Variants in RAB3GAP2 observed in about 807,000 individuals in gnomAD.
RAB3GAP2 encodes the protein RAB3 GTPase activating non-catalytic protein subunit 2, also known as rab3 GTPase-activating protein non-catalytic subunit.
A neutral mutation model predicts 185.3 loss-of-function variants in RAB3GAP2; 87 were observed. The ratio of observed to expected loss-of-function variants is 0.47; its 90% CI spans 0.39 to 0.56. The LOEUF (loss-of-function observed/expected upper bound fraction) is 0.56. Among genes scored for constraint, RAB3GAP2 ranks in the 20% least tolerant of loss-of-function variants. The pLI is 0.00. For missense variants in RAB3GAP2, 1,492 were observed against 1,638.2 expected (o/e 0.91, Z 1.54); for synonymous variants, 554 against 576.1 (o/e 0.96, Z 0.55).
intron 13 of RAB3GAP2, among the ~76,000 whole-genome samples, chr1:220,193,038 C>T (rs1051867250): frequency 2.6e-5 from 4 of 152,124 alleles, no homozygotes; most frequent in Admixed American, 2.6e-4. Context: ...TTAAACATGG[C>T]TATGAGGTGA....
chr1:220,163,773 A>ATG (rs57117891), intron 27 of RAB3GAP2, among the ~76,000 whole-genome samples: 2 of 145,012 alleles, frequency 1.4e-5, no homozygotes, highest in African/African-American at 5.0e-5. Context: ...ATATATATAT[A>ATG]GGATGAAGGT....
chr1:220,159,266 A>T (rs1319605126), intron 29 of RAB3GAP2, 120 bp downstream of exon 29: 1 of 825,320 alleles, frequency 1.2e-6, no homozygotes, highest in Admixed American at 2.2e-5. Context: ...CATTTTTCTT[A>T]TCTCCTTCTG....
chr1:220,253,764 C>T, intron 1 of RAB3GAP2: 1 of 1,611,682 alleles, frequency 6.2e-7, no homozygotes, highest in Admixed American at 1.7e-5. Context: ...TACTCAAATA[C>T]GTGGACACCA....
chr1:220,272,115 G>T, intron 1 of RAB3GAP2, 108 bp downstream of exon 1: 1 of 934,158 alleles, frequency 1.1e-6, no homozygotes, highest in African/African-American at 1.6e-5. Flanking sequence ...GAGAACTGGG[G>T]GTCCAGAGGG....
rs771063121 is a variant in RAB3GAP2, at chr1:220,213,841, T to C, written c.304+15A>G. ...GTATCAAAATAAAGGTCGCTGAAAATAATAGGATACTCACGCACTAGAAAT... is the reference window on the plus strand; with the variant it reads ...GTATCAAAATAAAGGTCGCTGAAAACAATAGGATACTCACGCACTAGAAAT... On this transcript the variant is annotated intron_variant, in intron 3 of 34. Transcript: ENST00000358951. 1.8e-5 allele frequency: 29 copies of C among 1,610,166 alleles called. No individual in the cohort carries two copies. The highest frequency in any genetic ancestry group is 2.7e-5 in the African/African-American group (2 of 74,780).
chr1:220,169,454 C>T (rs1658134079), intron 24 of RAB3GAP2, among the ~76,000 whole-genome samples: 1 of 152,152 alleles, frequency 6.6e-6, no homozygotes, highest in South Asian at 2.1e-4. Flanking sequence ...GTTAGTGAAT[C>T]ATGAAAGGTT....
intron 10 of RAB3GAP2, chr1:220,196,038 CAA>C (rs1204162816): frequency 3.4e-6 from 2 of 582,758 alleles, no homozygotes; most frequent in Non-Finnish European, 5.9e-6. Flanking sequence ...GCTTCAGAAA[CAA>C]AGAATTTCCT....
chr1:220,211,872 T>C (rs1055242093), intron 4 of RAB3GAP2, among the ~76,000 whole-genome samples: 1 of 152,212 alleles, frequency 6.6e-6, no homozygotes, highest in Admixed American at 6.5e-5. Flanking sequence ...TTAGACTAAA[T>C]GGCGTAAGGA....
At chr1:220,246,424 A>C (rs1195415894) in intron 1 of RAB3GAP2, among the ~76,000 whole-genome samples, 1 of 141,194 alleles carries the variant, frequency 7.1e-6, no homozygotes, top group Non-Finnish European at 1.5e-5. Context: ...TACTGGGTAT[A>C]TACCCAAAGG....
chr1:220,182,375 C>T (rs369788729), intron 20 of RAB3GAP2, 21 bp from the exon 21 acceptor site: 9 of 1,613,492 alleles, frequency 5.6e-6, no homozygotes, highest in Non-Finnish European at 6.8e-6. Context: ...AAAAACAAAG[C>T]ACATTAATCA....
intron 21 of RAB3GAP2, among the ~76,000 whole-genome samples, chr1:220,177,469 A>G (rs978811913): frequency 6.6e-6 from 1 of 152,216 alleles, no homozygotes; most frequent in South Asian, 2.1e-4. Context: ...TGGACAAAGA[A>G]AGGCACCAGA....
chr1:220,187,810 C>T (rs188954498), intron 17 of RAB3GAP2, among the ~76,000 whole-genome samples: 2 of 152,016 alleles, frequency 1.3e-5, no homozygotes, highest in East Asian at 1.9e-4. Flanking sequence ...AATGGGTAAA[C>T]GTTCAAGTAA....
At chr1:220,170,819 C>A in intron 24 of RAB3GAP2, 73 bp downstream of exon 24, 1 of 1,250,290 alleles carries the variant, frequency 8.0e-7, no homozygotes, top group Non-Finnish European at 1.2e-6. Flanking sequence ...CTATTCTTTC[C>A]GTCATTTCTA....
At chr1:220,237,680 A>G (rs1396374569) in intron 1 of RAB3GAP2, among the ~76,000 whole-genome samples, 1 of 152,212 alleles carries the variant, frequency 6.6e-6, no homozygotes, top group Non-Finnish European at 1.5e-5. Context: ...TGGTGCATGC[A>G]TGGATCACCT....
chr1:220,155,660 A>C (rs1657843745), intron 31 of RAB3GAP2, among the ~76,000 whole-genome samples: 2 of 152,206 alleles, frequency 1.3e-5, no homozygotes, highest in Non-Finnish European at 2.9e-5. Context: ...AAATCTAAAT[A>C]ATTCTAGTTA....
intron 3 of RAB3GAP2, 57 bp downstream of exon 3, chr1:220,213,799 T>C: frequency 1.3e-6 from 2 of 1,558,948 alleles, no homozygotes; most frequent in African/African-American, 2.7e-5. Context: ...CCTAATCCAT[T>C]TTCTCTTCTA....
intron 1 of RAB3GAP2, among the ~76,000 whole-genome samples, chr1:220,239,268 T>C (rs560363046): frequency 1.3e-5 from 2 of 152,300 alleles, no homozygotes; most frequent in Non-Finnish European, 2.9e-5. Context: ...TCTAGCTCTA[T>C]TGCCCAGGGT....
chr1:220,186,504 A>G (rs1301248572), intron 17 of RAB3GAP2, among the ~76,000 whole-genome samples: 4 of 152,316 alleles, frequency 2.6e-5, no homozygotes, highest in Middle Eastern at 3.4e-3. Flanking sequence ...CCTATAATGA[A>G]GTAACTACCA....
rs367809930 is a variant in RAB3GAP2, at chr1:220,260,877, C to T, written c.115+11346G>A. Among the ~76,000 whole-genome samples, 130 of 152,252 alleles carry T rather than the reference C, an allele frequency of 8.5e-4. 4 individuals are homozygous for T. In the East Asian group the frequency reaches 0.022, roughly 26 times the overall value. On this transcript the variant is annotated intron_variant, in intron 1 of 34. Coordinates refer to ENST00000358951, the MANE Select transcript of RAB3GAP2 (RefSeq NM_012414.4). Reference sequence around the variant, plus strand: ...CCACTAGCAACATATGGCTTGAACACTTCAAATGTAGCCACTGTGACTGAG... The same window carrying T: ...CCACTAGCAACATATGGCTTGAACATTTCAAATGTAGCCACTGTGACTGAG...
Sources: allele counts gnomAD v4.1 joint callset (sites outside exome capture counted in the v4.1 genomes callset), GRCh38; gene constraint gnomAD v4.1.1; transcripts MANE v1.5; gene names NCBI Gene and HGNC (gene_info 2026-07-23, HGNC 2026-07-21).